The following SKAP1 variants were observed in gnomAD, a reference collection of about 807,000 sequenced individuals.
The protein encoded by SKAP1 is src kinase-associated phosphoprotein 1.
In SKAP1, 44 loss-of-function variants were observed where a neutral mutation model predicts 58.5. The ratio of observed to expected loss-of-function variants is 0.75; its 90% CI spans 0.59 to 0.97. SKAP1 has a LOEUF of 0.97. SKAP1 is among the 50% of genes least tolerant of loss of function. The pLI, the probability that SKAP1 is intolerant of heterozygous loss-of-function variation, is 0.00. For missense variants in SKAP1, 390 were observed against 435.2 expected, an observed-to-expected ratio of 0.90 and a Z score of 0.92; for synonymous variants, 127 against 149.7, an observed-to-expected ratio of 0.85 and a Z score of 1.11.
At chr17:48,189,870 G>A (rs1234385995) in intron 4 of SKAP1, among the ~76,000 whole-genome samples, 3 of 151,764 alleles carry the variant, frequency 2.0e-5, no homozygotes, top group Admixed American at 6.6e-5. Flanking sequence ...TAGAGATGGG[G>A]TTTCACCATG....
At chr17:48,438,832 A>C in the SKAP1 span, among the ~76,000 whole-genome samples, 1 of 152,192 alleles carries the variant, frequency 6.6e-6, no homozygotes, top group Non-Finnish European at 1.5e-5. Context: ...GCTAAGCTCT[A>C]CAGAAGGGCT....
intron 4 of SKAP1, among the ~76,000 whole-genome samples, chr17:48,201,229 C>G (rs1389127052): frequency 1.3e-5 from 2 of 152,038 alleles, no homozygotes; most frequent in African/African-American, 2.4e-5. Flanking sequence ...TGCCATGAAC[C>G]TCAAATGGAG....
At chr17:48,336,078 C>A (rs1598584522) in intron 4 of SKAP1, among the ~76,000 whole-genome samples, 1 of 152,104 alleles carries the variant, frequency 6.6e-6, no homozygotes, top group Admixed American at 6.5e-5. Flanking sequence ...CCTTTTACCA[C>A]GAGAGGGAGC....
At chr17:48,414,302 T>C (rs953464819) in intron 1 of SKAP1, among the ~76,000 whole-genome samples, 3 of 151,950 alleles carry the variant, frequency 2.0e-5, no homozygotes, top group Non-Finnish European at 4.4e-5. Flanking sequence ...AGGCCAAGAA[T>C]GTGTACTGGG....
intron 4 of SKAP1, among the ~76,000 whole-genome samples, chr17:48,220,710 G>A (rs932865971): frequency 4.6e-5 from 7 of 151,726 alleles, no homozygotes; most frequent in African/African-American, 1.5e-4. Flanking sequence ...TACAAAAGCC[G>A]GGCGTGGTTG....
At chr17:48,149,186 C>T (rs995859907) in intron 11 of SKAP1, among the ~76,000 whole-genome samples, 1 of 152,182 alleles carries the variant, frequency 6.6e-6, no homozygotes. Context: ...GGTCAACATG[C>T]CCTCATTAGG....
At position 48,404,997 on chromosome 17, in the gene SKAP1, G is replaced by A. The variant is rs1013604541; in HGVS notation, c.47-8212C>T. ...GCCAAAGGTGGTAATTTCATTTGAT[G>A]TAAAGTACAATCCACAATAGATATG... is the stretch of plus-strand genomic sequence containing the variant. On this transcript the variant is annotated intron_variant, in intron 1 of 12. Coordinates refer to ENST00000336915, the MANE Select transcript of SKAP1 (RefSeq NM_003726.4). Among the ~76,000 whole-genome samples, 6 of 152,250 alleles carry A rather than the reference G, an allele frequency of 3.9e-5. No homozygotes were observed. The South Asian group carries it at 1.2e-3, about 32-fold the overall frequency.
intron 4 of SKAP1, among the ~76,000 whole-genome samples, chr17:48,202,593 A>G (rs991617273): frequency 3.9e-5 from 6 of 152,292 alleles, no homozygotes; most frequent in South Asian, 2.1e-4. Context: ...ATCCGACAAA[A>G]CTCAAGCAAG....
At chr17:48,365,212 T>C (rs775011207) in intron 2 of SKAP1, among the ~76,000 whole-genome samples, 1 of 152,180 alleles carries the variant, frequency 6.6e-6, no homozygotes, top group Non-Finnish European at 1.5e-5. Context: ...CATCCCAAAG[T>C]GTTGGGATTG....
intron 1 of SKAP1, among the ~76,000 whole-genome samples, chr17:48,429,754 T>C (rs1261929265): frequency 6.6e-6 from 1 of 151,854 alleles, no homozygotes; most frequent in Admixed American, 6.6e-5. Context: ...GGCAGTCCTT[T>C]GGAGAAAGGG....
At chr17:48,393,740 A>G (rs1031215825) in intron 2 of SKAP1, among the ~76,000 whole-genome samples, 1 of 152,290 alleles carries the variant, frequency 6.6e-6, no homozygotes, top group Admixed American at 6.5e-5. Flanking sequence ...AGGAAACAAC[A>G]AAGAGACTAG....
chr17:48,215,890 C>A (rs2064933822), intron 4 of SKAP1, among the ~76,000 whole-genome samples: 1 of 152,190 alleles, frequency 6.6e-6, no homozygotes, highest in Admixed American at 6.5e-5. Flanking sequence ...TAAGCACCAA[C>A]AGGGCAAGCT....
At chr17:48,159,178 T>A (rs1311630473) in intron 11 of SKAP1, among the ~76,000 whole-genome samples, 2 of 152,222 alleles carry the variant, frequency 1.3e-5, no homozygotes, top group African/African-American at 4.8e-5. Context: ...AGCTGGTAAT[T>A]TAAAAAAATT....
chr17:48,142,513 T>C (rs995356933), intron 11 of SKAP1, among the ~76,000 whole-genome samples: 3 of 151,984 alleles, frequency 2.0e-5, no homozygotes, highest in African/African-American at 7.3e-5. Context: ...TTAAATGAGA[T>C]TATGATGAAA....
At chr17:48,196,987 G>A (rs887826319) in intron 4 of SKAP1, among the ~76,000 whole-genome samples, 2 of 152,220 alleles carry the variant, frequency 1.3e-5, no homozygotes, top group African/African-American at 4.8e-5. Context: ...GGCTGGGCGT[G>A]GTGGCCCACG....
At chr17:48,285,597 A>C (rs914956878) in intron 4 of SKAP1, among the ~76,000 whole-genome samples, 1 of 149,916 alleles carries the variant, frequency 6.7e-6, no homozygotes, top group Non-Finnish European at 1.5e-5. Flanking sequence ...CTTGGGTGAC[A>C]GAGCAAGACT....
At chr17:48,330,110 G>T in intron 4 of SKAP1, among the ~76,000 whole-genome samples, 1 of 152,166 alleles carries the variant, frequency 6.6e-6, no homozygotes, top group Non-Finnish European at 1.5e-5. Context: ...ATCTTTTGCA[G>T]GATGGTAGTA....
chr17:48,173,374 GC>G (rs2064243398), intron 9 of SKAP1, among the ~76,000 whole-genome samples: 3 of 152,154 alleles, frequency 2.0e-5, no homozygotes, highest in Non-Finnish European at 4.4e-5. Flanking sequence ...AACAACCTAA[GC>G]TAATGGAGGA....
At chr17:48,310,338 G>T (rs574276075) in intron 4 of SKAP1, among the ~76,000 whole-genome samples, 3 of 152,206 alleles carry the variant, frequency 2.0e-5, no homozygotes, top group African/African-American at 7.2e-5. Context: ...AGACCCTGAA[G>T]TCAGAGACAC....
Sources: allele counts gnomAD v4.1 joint callset (sites outside exome capture counted in the v4.1 genomes callset), GRCh38; gene constraint gnomAD v4.1.1; transcripts MANE v1.5; gene names NCBI Gene and HGNC (gene_info 2026-07-23, HGNC 2026-07-21).